Variants in SLC44A1 observed in about 807,000 individuals in gnomAD.
The protein encoded by SLC44A1 is solute carrier family 44 member 1.
A neutral mutation model predicts 79.3 loss-of-function variants in SLC44A1; 26 were observed. That is an observed-to-expected ratio of 0.33 (90% CI 0.24 to 0.46). The LOEUF (loss-of-function observed/expected upper bound fraction) is 0.46, where lower values mean the gene tolerates loss of function less well. SLC44A1 is among the 20% of genes least tolerant of loss of function. SLC44A1 has a pLI of 1.00. For synonymous variants in SLC44A1, 263 were observed against 286.2 expected (o/e 0.92, Z 0.82); for missense variants, 688 against 798.1 (o/e 0.86, Z 1.66).
At chr9:105,316,053 T>C (rs1374503000) in intron 3 of SLC44A1, among the ~76,000 whole-genome samples, 1 of 152,256 alleles carries the variant, frequency 6.6e-6, no homozygotes, top group Non-Finnish European at 1.5e-5. Context: ...CATTCATTCA[T>C]TCATTTGTGA....
intron 7 of SLC44A1, among the ~76,000 whole-genome samples, chr9:105,359,033 C>T (rs942385578): frequency 1.3e-5 from 2 of 152,130 alleles, no homozygotes; most frequent in Admixed American, 6.5e-5. Flanking sequence ...TCCCACTTTT[C>T]GCCCTTGTTA....
chr9:105,431,424 A>G (rs887753612), intron 15 of SLC44A1, among the ~76,000 whole-genome samples: 5 of 152,228 alleles, frequency 3.3e-5, no homozygotes, highest in Non-Finnish European at 7.3e-5. Flanking sequence ...TTGCAATTCT[A>G]TTCCATTGGT....
In SLC44A1 at chr9:105,383,353, G is replaced by A. The variant is rs368487668; in HGVS notation, c.1863G>A (p.Val621=). 5.8e-5 allele frequency: 91 copies of A among 1,564,946 alleles called. No homozygotes were observed. Among genetic ancestry groups the A allele is most frequent in the Non-Finnish European group, 7.8e-5 (88 of 1,135,224 alleles). The change falls in exon 14 of 16, where the codon GTG becomes GTA. Residue 621 remains valine, a synonymous_variant. Transcript: ENST00000374720. ...GCAGAGAATTCTATATGGATAAAGT[G>A]CTGATGGTAAGTACTTCAAATGCCG... is the stretch of plus-strand genomic sequence containing the variant. ...SPGREFYMDK[V]LMEFVENSRK...
downstream of SLC44A1, among the ~76,000 whole-genome samples, chr9:105,400,048 A>C (rs1828936502): frequency 6.6e-6 from 1 of 151,976 alleles, no homozygotes; most frequent in Admixed American, 6.6e-5. Flanking sequence ...ATACAGAATT[A>C]TCCGGGCACG....
In SLC44A1 at chr9:105,421,669, G is replaced by C. The variant is rs940504544; in HGVS notation, c.1951-16612G>C. Reference sequence around the variant, plus strand: ...GTGGCGCGATCTCGGCTCACTGCAAGCTCCGCTTCCTGGGTTCACGCCATT... The same window carrying C: ...GTGGCGCGATCTCGGCTCACTGCAACCTCCGCTTCCTGGGTTCACGCCATT... On this transcript the variant is annotated intron_variant, in intron 15 of 15. Coordinates refer to the SLC44A1 transcript ENST00000374724. Among the ~76,000 whole-genome samples the C allele has an allele frequency of 2.0e-5, 3 of 148,864 alleles. No individual in the cohort carries two copies. The South Asian group carries it at 6.3e-4, about 31-fold the overall frequency.
In SLC44A1 at chr9:105,263,262, A is replaced by G. The variant is rs540392931; in HGVS notation, c.36+18358A>G. 1.3e-3 allele frequency among the ~76,000 whole-genome samples: 192 copies of G among 152,284 alleles called. No homozygotes were observed. In the Middle Eastern group the frequency reaches 0.017, roughly 13 times the overall value. ...TTCTACATTCAGGCAGTTATTAGAA[A>G]TTTCATTTTGCACTACCGAGCTCTG... On this transcript the variant is annotated intron_variant, in intron 1 of 15. Coordinates refer to ENST00000374720, the MANE Select transcript of SLC44A1 (RefSeq NM_080546.5).
chr9:105,255,472 T>C (rs1829683529), intron 1 of SLC44A1, among the ~76,000 whole-genome samples: 1 of 152,218 alleles, frequency 6.6e-6, no homozygotes, highest in East Asian at 1.9e-4. Context: ...TATGTAAGAA[T>C]CTTTTTATTG....
chr9:105,308,481 C>T (rs1831090302), intron 2 of SLC44A1, among the ~76,000 whole-genome samples: 1 of 152,160 alleles, frequency 6.6e-6, no homozygotes, highest in African/African-American at 2.4e-5. Flanking sequence ...TATAGCTTCA[C>T]GAAGTTTCTA....
chr9:105,342,862 AAGTGTAGT>A (rs1362767150), intron 4 of SLC44A1, among the ~76,000 whole-genome samples: 4 of 152,054 alleles, frequency 2.6e-5, no homozygotes, highest in Non-Finnish European at 5.9e-5. Context: ...ACAATCTTCC[AAGTGTAGT>A]GATGCGTGCC....
intron 1 of SLC44A1, among the ~76,000 whole-genome samples, chr9:105,297,832 C>T (rs1262819803): frequency 1.3e-5 from 2 of 152,160 alleles, no homozygotes; most frequent in Non-Finnish European, 2.9e-5. Context: ...TATCTCCAGC[C>T]CCCTCCTGCT....
At chr9:105,277,498 T>A (rs1830235473) in intron 1 of SLC44A1, among the ~76,000 whole-genome samples, 1 of 152,166 alleles carries the variant, frequency 6.6e-6, no homozygotes, top group Non-Finnish European at 1.5e-5. Flanking sequence ...GGTAAGCAGG[T>A]AGCACAAGAT....
intron 1 of SLC44A1, among the ~76,000 whole-genome samples, chr9:105,290,045 A>C (rs1205204692): frequency 6.6e-6 from 1 of 152,024 alleles, no homozygotes; most frequent in Non-Finnish European, 1.5e-5. Flanking sequence ...CGAACTCCTG[A>C]CCTCAGGTGA....
chr9:105,271,366 CT>C (rs1161671201), intron 1 of SLC44A1, among the ~76,000 whole-genome samples: 1 of 152,124 alleles, frequency 6.6e-6, no homozygotes, highest in South Asian at 2.1e-4. Flanking sequence ...TCCCTTGTAT[CT>C]TTTTTTCCCC....
intron 4 of SLC44A1, among the ~76,000 whole-genome samples, chr9:105,339,457 A>C (rs1005718718): frequency 6.6e-6 from 1 of 152,238 alleles, no homozygotes; most frequent in Admixed American, 6.5e-5. Flanking sequence ...TTGCACAATC[A>C]TGTTCATTGT....
chr9:105,265,951 CTCTT>C (rs151084400), intron 1 of SLC44A1, among the ~76,000 whole-genome samples: 5,043 of 149,854 alleles, frequency 0.034, 287 homozygotes, highest in African/African-American at 0.12. Context: ...CTCTCTCTCT[CTCTT>C]TCTCTGTGTG....
intron 15 of SLC44A1, among the ~76,000 whole-genome samples, chr9:105,434,340 C>T (rs1467981369): frequency 7.2e-6 from 1 of 139,300 alleles, no homozygotes; most frequent in Non-Finnish European, 1.6e-5. Context: ...GACTCCATCT[C>T]AAAAAAAAAG....
At chr9:105,349,313 A>T (rs1383732072) in intron 5 of SLC44A1, among the ~76,000 whole-genome samples, 1 of 152,196 alleles carries the variant, frequency 6.6e-6, no homozygotes, top group Non-Finnish European at 1.5e-5. Flanking sequence ...TTGTATCTCA[A>T]TATATTATAG....
chr9:105,284,377 A>G (rs1449541849), intron 1 of SLC44A1, among the ~76,000 whole-genome samples: 3 of 152,098 alleles, frequency 2.0e-5, no homozygotes, highest in Non-Finnish European at 2.9e-5. Flanking sequence ...GACAAGTACA[A>G]TCTTTCTGTA....
intron 1 of SLC44A1, among the ~76,000 whole-genome samples, chr9:105,267,950 A>G (rs1829997907): frequency 6.6e-6 from 1 of 152,158 alleles, no homozygotes; most frequent in African/African-American, 2.4e-5. Flanking sequence ...ATTTCCCCAA[A>G]CAAGTCTCTT....
Sources: gnomAD v4.1 joint callset for allele counts (sites outside exome capture counted in the v4.1 genomes callset) on GRCh38, gnomAD v4.1.1 for gene constraint, MANE v1.5 for transcripts, NCBI Gene and HGNC (gene_info 2026-07-23, HGNC 2026-07-21) for gene names.